The following MS4A4A variants were observed in gnomAD, a reference collection of about 807,000 sequenced individuals.
The protein encoded by MS4A4A is membrane-spanning 4-domains subfamily A member 4A.
A neutral mutation model predicts 28.0 loss-of-function variants in MS4A4A; 26 were observed. The observed-to-expected ratio is 0.93, with a 90% CI of 0.68 to 1.29. MS4A4A has a LOEUF of 1.29. MS4A4A is among the 50% of genes most tolerant of loss of function. The pLI, the probability that MS4A4A is intolerant of heterozygous loss-of-function variation, is 0.00. For missense variants in MS4A4A, 290 were observed against 293.1 expected (o/e 0.99, Z 0.08); for synonymous variants, 86 against 100.8 (o/e 0.85, Z 0.88).
intron 1 of MS4A4A, 103 bp downstream of exon 1, chr11:60,280,819 C>T: frequency 7.4e-7 from 1 of 1,350,510 alleles, no homozygotes; most frequent in Non-Finnish European, 1.0e-6. Flanking sequence ...AATGAGGCCA[C>T]TTCCCATGAC....
At chr11:60,297,165 C>G in intron 2 of MS4A4A, 32 bp from the exon 3 acceptor site, 1 of 1,610,174 alleles carries the variant, frequency 6.2e-7, no homozygotes, top group Non-Finnish European at 8.5e-7. Context: ...TTGTGGTGGA[C>G]AATCAGTTTT....
chr11:60,289,804 C>T (rs1050503713), intron 1 of MS4A4A, among the ~76,000 whole-genome samples: 2 of 151,924 alleles, frequency 1.3e-5, no homozygotes, highest in Admixed American at 6.6e-5. Context: ...ATTTTTCTTC[C>T]AGTTGACTAA....
rs1187762869 is a variant in MS4A4A at position 60,301,128 on chromosome 11, TA to T, written c.387+75del. ...ATAAAAAATGTATTCTGCCAGGGTG[TA>T]AAACAGGTTTTGTTTCTTTGTTTGT... On this transcript the variant is annotated intron_variant, in intron 4 of 6. Transcript: ENST00000337908. The T allele has an allele frequency of 1.0e-5, 12 of 1,203,022 alleles. No individual in the cohort carries two copies. In the African/African-American group the frequency reaches 1.7e-4, roughly 17 times the overall value. 74.5% of individuals were successfully genotyped at this position (1,203,022 alleles called of 1,614,324 possible).
intron 2 of MS4A4A, among the ~76,000 whole-genome samples, chr11:60,295,361 A>G (rs1421719441): frequency 6.6e-6 from 1 of 152,072 alleles, no homozygotes; most frequent in African/African-American, 2.4e-5. Flanking sequence ...TAAACCTAAT[A>G]TAATTGTTTG....
At chr11:60,283,946 C>T (rs1165892635) in intron 1 of MS4A4A, among the ~76,000 whole-genome samples, 1 of 152,214 alleles carries the variant, frequency 6.6e-6, no homozygotes, top group East Asian at 1.9e-4. Context: ...GGCCTCTTGG[C>T]CCACCTCTAC....
rs994366716 is a variant in MS4A4A, at chr11:60,302,566, G to T, written c.395G>T (p.Gly132Val). The T allele has an allele frequency of 1.2e-6, 2 of 1,613,812 alleles. No homozygotes were observed. Among genetic ancestry groups the T allele is most frequent in the East Asian group, 2.2e-5 (1 of 44,870 alleles). ...GIRTTKGLVR[G>V]SLGMNITSSV... ...ATTTTCATTCCTTTCTAGGTCCGAGGTAGTCTAGGAATGAATATCACCAGC... is the reference window on the plus strand; with the variant it reads ...ATTTTCATTCCTTTCTAGGTCCGAGTTAGTCTAGGAATGAATATCACCAGC... Residue 132 changes from glycine to valine, a missense_variant, in exon 5 of 7, where the codon GGT becomes GTT. Physicochemically the swap from Gly to Val is moderately radical, Grantham distance 109. Coordinates refer to ENST00000337908, the MANE Select transcript of MS4A4A (RefSeq NM_148975.3).
At chr11:60,294,955 T>C (rs1459162081) in intron 2 of MS4A4A, among the ~76,000 whole-genome samples, 1 of 151,078 alleles carries the variant, frequency 6.6e-6, no homozygotes, top group African/African-American at 2.4e-5. Context: ...TTCTTCTAGA[T>C]TGTGTTTGCT....
chr11:60,306,368 A>C (rs1346282332), intron 6 of MS4A4A, among the ~76,000 whole-genome samples, 167 bp downstream of exon 6: 2 of 152,220 alleles, frequency 1.3e-5, no homozygotes, highest in Non-Finnish European at 2.9e-5. Context: ...GGATCTTACA[A>C]GGCTGTCATC....
intron 2 of MS4A4A, among the ~76,000 whole-genome samples, chr11:60,296,655 A>G (rs982079623): frequency 6.6e-6 from 1 of 152,072 alleles, no homozygotes; most frequent in Non-Finnish European, 1.5e-5. Flanking sequence ...ATAAATTTTG[A>G]TAAGTTGTTG....
intron 5 of MS4A4A, chr11:60,305,607 A>T (rs1440117057): frequency 6.5e-6 from 1 of 153,144 alleles, no homozygotes; most frequent in Non-Finnish European, 1.5e-5. Context: ...ATTCTCTTAT[A>T]TCAGCTAATA....
chr11:60,301,189 A>G (rs1293898197), intron 4 of MS4A4A, 132 bp downstream of exon 4: 2 of 720,900 alleles, frequency 2.8e-6, no homozygotes, highest in African/African-American at 3.7e-5. Flanking sequence ...TTTACCTACT[A>G]GAATCTGTCT....
intron 6 of MS4A4A, among the ~76,000 whole-genome samples, chr11:60,306,556 C>T (rs1466606825): frequency 6.6e-6 from 1 of 152,156 alleles, no homozygotes; most frequent in Non-Finnish European, 1.5e-5. Context: ...GGATGAGGTC[C>T]ATTCAGAATA....
chr11:60,297,477 G>A (rs2084916323), intron 3 of MS4A4A, 152 bp downstream of exon 3: 2 of 802,724 alleles, frequency 2.5e-6, no homozygotes, highest in Admixed American at 6.1e-5. Context: ...CATATTTAAA[G>A]TACTACAAAT....
At chr11:60,292,005 A>G (rs1383971220) in intron 1 of MS4A4A, among the ~76,000 whole-genome samples, 4 of 141,408 alleles carry the variant, frequency 2.8e-5, no homozygotes, top group Non-Finnish European at 4.6e-5. Context: ...ATTTTCTAGC[A>G]TCTTGATATC....
rs2085026918 is a variant in MS4A4A at position 60,308,481 on chromosome 11, TC to T, written c.*304del. On this transcript the variant is annotated 3_prime_UTR_variant, in exon 7 of 7. Coordinates refer to ENST00000337908, the MANE Select transcript of MS4A4A (RefSeq NM_148975.3). ...ACAGCACTTGAAAGTTTTTCATTCA[TC>T]ATAAGAACTTTATATAAAGGCATTA... The T allele has an allele frequency of 3.4e-6, 1 of 294,894 alleles. No homozygotes were observed. 18.3% of individuals were successfully genotyped at this position (294,894 alleles called of 1,614,324 possible). A position where few individuals can be genotyped will look rare whatever the true frequency, so the allele number is the denominator to read the frequency against.
intron 1 of MS4A4A, among the ~76,000 whole-genome samples, chr11:60,291,782 G>A (rs1405761080): frequency 3.6e-5 from 5 of 138,992 alleles, no homozygotes; most frequent in Non-Finnish European, 7.7e-5. Flanking sequence ...TGGTGACAGC[G>A]TGAGACTCCA....
chr11:60,284,065 A>C (rs1211382170), intron 1 of MS4A4A, among the ~76,000 whole-genome samples: 1 of 152,210 alleles, frequency 6.6e-6, no homozygotes. Flanking sequence ...CAAACAAGAG[A>C]TCTTCCATTC....
At chr11:60,306,851 T>G (rs1229883551) in intron 6 of MS4A4A, among the ~76,000 whole-genome samples, 1 of 152,234 alleles carries the variant, frequency 6.6e-6, no homozygotes, top group Non-Finnish European at 1.5e-5. Flanking sequence ...TTACAACAAC[T>G]TTTCCTGGTA....
intron 3 of MS4A4A, among the ~76,000 whole-genome samples, chr11:60,299,448 CTTTTTTT>C (rs5792179): frequency 8.8e-6 from 1 of 113,236 alleles, no homozygotes; most frequent in Non-Finnish European, 1.7e-5. Flanking sequence ...AATTACAATT[CTTTTTTT>C]TTTTTTTTTT....
Sources: gnomAD v4.1 joint callset for allele counts (sites outside exome capture counted in the v4.1 genomes callset) on GRCh38, gnomAD v4.1.1 for gene constraint, MANE v1.5 for transcripts, NCBI Gene and HGNC (gene_info 2026-07-23, HGNC 2026-07-21) for gene names.